Variants in GANC observed in about 807,000 individuals in gnomAD.
GANC encodes glucosidase alpha, neutral C.
GANC carries 117 observed loss-of-function variants against 124.2 expected under a neutral mutation model. The ratio of observed to expected loss-of-function variants is 0.94; its 90% CI spans 0.81 to 1.10. The LOEUF (loss-of-function observed/expected upper bound fraction) is 1.10, where lower values mean the gene tolerates loss of function less well. GANC is among the 50% of genes least tolerant of loss of function. The pLI, the probability that GANC is intolerant of heterozygous loss-of-function variation, is 0.00. For synonymous variants in GANC, 377 were observed against 376.8 expected (o/e 1.00, Z -0.01); for missense variants, 1,140 against 1,095.0 (o/e 1.04, Z -0.58).
chr15:42,311,029 G>A (rs1315638518), intron 10 of GANC, among the ~76,000 whole-genome samples, 183 bp downstream of exon 10: 1 of 152,200 alleles, frequency 6.6e-6, no homozygotes, highest in East Asian at 1.9e-4. Flanking sequence ...ATTGCACTGG[G>A]TCTAGAATGC....
In GANC at chr15:42,277,520, A is replaced by C. The variant is rs1595760517; in HGVS notation, c.93-962A>C. 4.6e-5 allele frequency among the ~76,000 whole-genome samples: 7 copies of C among 151,994 alleles called. No homozygotes were observed. The South Asian group carries it at 1.5e-3, about 32-fold the overall frequency. ...ACTCCAGCCTGGGCAACAAGAGTGA[A>C]ACTCCGTCTAAAAAAAAAAAAAGAT... On this transcript the variant is annotated intron_variant, in intron 2 of 23. Coordinates refer to ENST00000318010, the MANE Select transcript of GANC (RefSeq NM_198141.3).
In GANC at chr15:42,273,218, T is replaced by C. The variant is rs776947137; in HGVS notation, c.-1264T>C. On this transcript the variant is annotated 5_prime_UTR_variant, in exon 1 of 24. Coordinates refer to ENST00000318010, the MANE Select transcript of GANC (RefSeq NM_198141.3). The stretch of plus-strand genomic sequence containing the variant: ...GGGCCGCCGTAGCCCCACCCCTTGC[T>C]CCTCTAGGTTCAGACGTTAGTGAAG... 5.6e-6 allele frequency: 9 copies of C among 1,610,524 alleles called. No homozygotes were observed. The highest frequency in any genetic ancestry group is 5.9e-6 in the Non-Finnish European group (7 of 1,177,338).
chr15:42,285,246 C>T (rs1223517166), intron 3 of GANC, among the ~76,000 whole-genome samples: 1 of 152,192 alleles, frequency 6.6e-6, no homozygotes, highest in East Asian at 1.9e-4. Context: ...TTTAAACTGT[C>T]ATCCACAGAG....
chr15:42,346,853 C>G (rs2052369685), intron 20 of GANC, among the ~76,000 whole-genome samples: 1 of 152,142 alleles, frequency 6.6e-6, no homozygotes, highest in Non-Finnish European at 1.5e-5. Context: ...ATTACAACCA[C>G]TGCCACACTA....
At chr15:42,313,525 C>CTGAGCAACAAAAAGACAG (rs2052074361) in intron 10 of GANC, among the ~76,000 whole-genome samples, 2 of 151,964 alleles carry the variant, frequency 1.3e-5, no homozygotes, top group South Asian at 4.1e-4. Flanking sequence ...AACTGTCTAC[C>CTGAGCAACAAAAAGACAG]ACTGAGCAAC....
intron 10 of GANC, among the ~76,000 whole-genome samples, chr15:42,316,415 GTGAT>G (rs556856596): frequency 1.1e-3 from 174 of 152,268 alleles, no homozygotes; most frequent in African/African-American, 4.1e-3. Flanking sequence ...AGTCGTCCAA[GTGAT>G]TGATAAGGTC....
chr15:42,310,726 A>G lies in GANC; in HGVS notation c.937A>G (p.Lys313Glu). The G allele has an allele frequency of 1.9e-6, 3 of 1,613,434 alleles. No individual in the cohort carries two copies. Among genetic ancestry groups the G allele is most frequent in the Non-Finnish European group, 1.7e-6 (2 of 1,179,348 alleles). ...GACCCAGATGGGCCCAGTTGCTGCT[A>G]AACAAAAGGTCAGATCTCGCACTCA... ...TLTQMGPVAA[K>E]QKVRSRTHVH... Residue 313 changes from lysine (K) to glutamate (E), a missense_variant, in exon 10 of 24, where the codon AAA becomes GAA. Transcript: ENST00000318010.
chr15:42,316,453 C>T (rs916081220), intron 10 of GANC, among the ~76,000 whole-genome samples: 4 of 152,136 alleles, frequency 2.6e-5, no homozygotes, highest in African/African-American at 4.8e-5. Context: ...GATCATGGGA[C>T]GGGGGCCCTT....
At chr15:42,348,454 T>C (rs150554153) in intron 21 of GANC, among the ~76,000 whole-genome samples, 139 of 152,358 alleles carry the variant, frequency 9.1e-4, no homozygotes, top group African/African-American at 3.2e-3. Context: ...GTGTTGGTGC[T>C]CTTCAACTTG....
At chr15:42,297,836 TATTCATTC>T (rs55989118) in intron 6 of GANC, among the ~76,000 whole-genome samples, 180 bp downstream of exon 6, 137,838 of 151,628 alleles carry the variant, frequency 0.91, 64,011 homozygotes, top group Non-Finnish European at 1. Flanking sequence ...TTCATTCATT[TATTCATTC>T]ATTCATTCAT....
intron 3 of GANC, among the ~76,000 whole-genome samples, chr15:42,285,254 G>C (rs2051775728): frequency 6.6e-6 from 1 of 152,196 alleles, no homozygotes; most frequent in Non-Finnish European, 1.5e-5. Flanking sequence ...GTCATCCACA[G>C]AGCCCTAAGG....
intron 5 of GANC, among the ~76,000 whole-genome samples, chr15:42,296,700 G>A (rs1039765298): frequency 1.3e-5 from 2 of 151,726 alleles, no homozygotes; most frequent in Non-Finnish European, 2.9e-5. Context: ...GACTCCTTGG[G>A]GTTTTTAATT....
intron 1 of GANC, among the ~76,000 whole-genome samples, chr15:42,274,909 G>T (rs1402666765): frequency 6.6e-6 from 1 of 152,098 alleles, no homozygotes; most frequent in Admixed American, 6.5e-5. Context: ...AAAAAAAAAG[G>T]ATGGTTAAAT....
intron 21 of GANC, 143 bp downstream of exon 21, chr15:42,348,359 C>T (rs909355329): frequency 1.3e-5 from 8 of 617,138 alleles, no homozygotes; most frequent in Non-Finnish European, 2.2e-5. Flanking sequence ...AATCATTGTT[C>T]AGCTTGTCTG....
chr15:42,328,507 A>C (rs1431765699), intron 13 of GANC, among the ~76,000 whole-genome samples: 1 of 109,396 alleles, frequency 9.1e-6, no homozygotes, highest in Admixed American at 8.4e-5. Context: ...ATAAAGATTC[A>C]AAAAAAAAAA....
rs529871965 is a variant in GANC at position 42,341,056 on chromosome 15, G to A, written c.2152+302G>A. On this transcript the variant is annotated intron_variant, in intron 18 of 23. Coordinates refer to ENST00000318010, the MANE Select transcript of GANC (RefSeq NM_198141.3). ...TGGGATTACAGGCGTGAGCCACTAGGCCTGGCCAAGCATTTCTTGATTAAT... is the reference window on the plus strand; with the variant it reads ...TGGGATTACAGGCGTGAGCCACTAGACCTGGCCAAGCATTTCTTGATTAAT... Among the ~76,000 whole-genome samples, 49 of 151,756 alleles carry A rather than the reference G, an allele frequency of 3.2e-4. 1 individual carries two copies. Among genetic ancestry groups the A allele is most frequent in the African/African-American group, 1.2e-3 (49 of 41,324 alleles).
Position 42,352,403 on chromosome 15 carries a change from A to G in GANC, c.*264A>G. ...TAGCCCTGAGACATTTATAGCGTTC[A>G]GGAGTCTTCTATTGCTTCCATTCCT... On this transcript the variant is annotated 3_prime_UTR_variant, in exon 24 of 24. Coordinates refer to ENST00000318010, the MANE Select transcript of GANC (RefSeq NM_198141.3). 2 of 1,209,150 alleles carry G rather than the reference A, an allele frequency of 1.7e-6. No homozygotes were observed. Among genetic ancestry groups the G allele is most frequent in the East Asian group, 4.5e-5 (1 of 22,418 alleles). 74.9% of individuals were successfully genotyped at this position (1,209,150 alleles called of 1,614,324 possible).
chr15:42,287,935 T>G (rs573120732), intron 4 of GANC, 117 bp downstream of exon 4: 25 of 1,017,418 alleles, frequency 2.5e-5, no homozygotes, highest in Middle Eastern at 2.2e-4. Flanking sequence ...CTACAGTCAT[T>G]TAGGTTGGTG....
At chr15:42,341,467 T>C (rs1005593302) in intron 18 of GANC, among the ~76,000 whole-genome samples, 2 of 152,142 alleles carry the variant, frequency 1.3e-5, no homozygotes, top group African/African-American at 4.8e-5. Flanking sequence ...AGATTAACTA[T>C]CAAATCCAGA....
Sources: allele counts gnomAD v4.1 joint callset (sites outside exome capture counted in the v4.1 genomes callset), GRCh38; gene constraint gnomAD v4.1.1; transcripts MANE v1.5; gene names NCBI Gene and HGNC (gene_info 2026-07-23, HGNC 2026-07-21).